KCNN3: variants seen among roughly 807,000 people sequenced by gnomAD.
The protein encoded by KCNN3 is small conductance calcium-activated potassium channel protein 3.
In KCNN3, 16 loss-of-function variants were observed where a neutral mutation model predicts 62.9. That is an observed-to-expected ratio of 0.25 (90% CI 0.17 to 0.39). The LOEUF is 0.39. Ranked by LOEUF, KCNN3 falls within the 10% of genes least tolerant of loss-of-function variation. The pLI, the probability that KCNN3 is intolerant of heterozygous loss-of-function variation, is 1.00. For synonymous variants in KCNN3, 370 were observed against 389.2 expected (o/e 0.95, Z 0.58); for missense variants, 599 against 949.4 (o/e 0.63, Z 4.85).
chr1:154,742,552 A>G (rs1361287482), intron 3 of KCNN3, among the ~76,000 whole-genome samples: 5 of 152,086 alleles, frequency 3.3e-5, no homozygotes, highest in Admixed American at 6.6e-5. Flanking sequence ...TAGGTGCACT[A>G]AAAAAAAGTG....
At chr1:154,789,323 C>T (rs74115871) in intron 2 of KCNN3, among the ~76,000 whole-genome samples, 3,564 of 152,242 alleles carry the variant, frequency 0.023, 123 homozygotes, top group African/African-American at 0.081. Flanking sequence ...GGATACTCTC[C>T]TCCATCTCAA....
intron 3 of KCNN3, among the ~76,000 whole-genome samples, chr1:154,745,397 C>T (rs1384349100): frequency 1.3e-5 from 2 of 152,172 alleles, no homozygotes; most frequent in Admixed American, 6.6e-5. Context: ...TTTTTCTCAC[C>T]GAGGTGGTGG....
intron 2 of KCNN3, among the ~76,000 whole-genome samples, chr1:154,814,346 C>T (rs1416134939): frequency 6.6e-6 from 1 of 152,210 alleles, no homozygotes; most frequent in African/African-American, 2.4e-5. Context: ...CTTTGGGGGT[C>T]CAACAGTGAA....
intron 3 of KCNN3, among the ~76,000 whole-genome samples, chr1:154,755,551 G>GAAGA (rs145789372): frequency 4.8e-5 from 5 of 104,790 alleles, no homozygotes; most frequent in Non-Finnish European, 7.7e-5. Context: ...AGGAAGGAAG[G>GAAGA]AAGAAAGAAA....
At chr1:154,810,504 G>T (rs1347356765) in intron 2 of KCNN3, among the ~76,000 whole-genome samples, 2 of 152,202 alleles carry the variant, frequency 1.3e-5, no homozygotes, top group Admixed American at 6.5e-5. Context: ...TCCCAGTTCT[G>T]ATGGCTGGGC....
intron 3 of KCNN3, among the ~76,000 whole-genome samples, chr1:154,769,482 C>T (rs1303277751): frequency 6.6e-6 from 1 of 152,184 alleles, no homozygotes; most frequent in Non-Finnish European, 1.5e-5. Flanking sequence ...AACCCAGCCT[C>T]AGCTTGGAAG....
chr1:154,749,699 G>C (rs1647269131), intron 3 of KCNN3, among the ~76,000 whole-genome samples: 1 of 152,216 alleles, frequency 6.6e-6, no homozygotes, highest in Non-Finnish European at 1.5e-5. Context: ...TAGAGAAAGA[G>C]AGGGACAGGG....
chr1:154,817,606 G>A (rs1650721064), intron 2 of KCNN3, among the ~76,000 whole-genome samples: 1 of 152,234 alleles, frequency 6.6e-6, no homozygotes, highest in African/African-American at 2.4e-5. Flanking sequence ...GCGCCAAGCT[G>A]GGCTGCTCTG....
At chr1:154,826,137 T>C (rs1272829856) in intron 1 of KCNN3, among the ~76,000 whole-genome samples, 1 of 149,780 alleles carries the variant, frequency 6.7e-6, no homozygotes, top group African/African-American at 2.5e-5. Context: ...ACATGGAGAA[T>C]GGTTGATGAT....
intron 1 of KCNN3, among the ~76,000 whole-genome samples, chr1:154,840,617 G>A (rs1045412196): frequency 1.3e-5 from 2 of 152,144 alleles, no homozygotes; most frequent in Non-Finnish European, 2.9e-5. Context: ...GGGACAAAAC[G>A]GCTTCTCCAA....
chr1:154,748,479 A>G (rs1019474434), intron 3 of KCNN3, among the ~76,000 whole-genome samples: 31 of 152,178 alleles, frequency 2.0e-4, no homozygotes, highest in Non-Finnish European at 2.9e-4. Flanking sequence ...TTCTCATTTC[A>G]TTTTATTTCT....
At chr1:154,761,915 G>A (rs1313750316) in intron 3 of KCNN3, among the ~76,000 whole-genome samples, 3 of 152,152 alleles carry the variant, frequency 2.0e-5, no homozygotes, top group Admixed American at 1.3e-4. Flanking sequence ...ACTCCAGCCC[G>A]GGCGACAGAA....
chr1:154,770,496 C>T (rs1420896295), intron 3 of KCNN3, among the ~76,000 whole-genome samples: 1 of 152,104 alleles, frequency 6.6e-6, no homozygotes, highest in African/African-American at 2.4e-5. Flanking sequence ...GAAGATTTGG[C>T]AATATAATCG....
chr1:154,767,861 T>C (rs1648369285), intron 3 of KCNN3, among the ~76,000 whole-genome samples: 1 of 152,190 alleles, frequency 6.6e-6, no homozygotes, highest in African/African-American at 2.4e-5. Context: ...ATGATCCCAC[T>C]TTCTCTCCTT....
At chr1:154,840,272 T>G (rs1462715105) in intron 1 of KCNN3, among the ~76,000 whole-genome samples, 1 of 152,146 alleles carries the variant, frequency 6.6e-6, no homozygotes, top group East Asian at 1.9e-4. Context: ...CAAAAGGCCT[T>G]GTGCTATTAA....
chr1:154,735,230 C>A (rs1700685994), intron 3 of KCNN3, among the ~76,000 whole-genome samples: 1 of 152,182 alleles, frequency 6.6e-6, no homozygotes, highest in Non-Finnish European at 1.5e-5. Flanking sequence ...GACAGAGACG[C>A]AGGCCACAGC....
intron 1 of KCNN3, among the ~76,000 whole-genome samples, chr1:154,852,065 G>A (rs1055762230): frequency 2.6e-5 from 4 of 152,210 alleles, no homozygotes; most frequent in Admixed American, 6.5e-5. Context: ...CACGAGCCAC[G>A]TGTGTCCACT....
intron 1 of KCNN3, among the ~76,000 whole-genome samples, chr1:154,861,611 A>AC (rs1277756624): frequency 2.6e-5 from 4 of 151,494 alleles, no homozygotes; most frequent in Non-Finnish European, 4.4e-5. Context: ...TCCTTCAGGG[A>AC]CCCCCCAACC....
intron 2 of KCNN3, among the ~76,000 whole-genome samples, chr1:154,792,808 A>G (rs1418784324): frequency 6.6e-6 from 1 of 152,202 alleles, no homozygotes; most frequent in African/African-American, 2.4e-5. Flanking sequence ...AGTTCTTTTC[A>G]TGCTGTTTCC....
Sources: allele counts gnomAD v4.1 joint callset (sites outside exome capture counted in the v4.1 genomes callset), GRCh38; gene constraint gnomAD v4.1.1; transcripts MANE v1.5; gene names NCBI Gene and HGNC (gene_info 2026-07-23, HGNC 2026-07-21).